The following DPP4 variants were observed in gnomAD, a reference collection of about 807,000 sequenced individuals.
The protein encoded by DPP4 is dipeptidyl peptidase 4.
DPP4 carries 93 observed loss-of-function variants against 122.4 expected under a neutral mutation model. That is an observed-to-expected ratio of 0.76 (90% CI 0.64 to 0.90). The LOEUF is 0.90. Among genes scored for constraint, DPP4 ranks in the 40% least tolerant of loss-of-function variants. DPP4 has a pLI of 0.00. For missense variants in DPP4, 914 were observed against 907.3 expected, an observed-to-expected ratio of 1.01 and a Z score of -0.09; for synonymous variants, 321 against 302.9, an observed-to-expected ratio of 1.06 and a Z score of -0.62.
At chr2:162,055,001 A>G (rs1217157781) in intron 2 of DPP4, among the ~76,000 whole-genome samples, 1 of 152,206 alleles carries the variant, frequency 6.6e-6, no homozygotes, top group African/African-American at 2.4e-5. Context: ...GGCAACCAGA[A>G]TACAAAAAAG....
intron 23 of DPP4, among the ~76,000 whole-genome samples, chr2:161,999,081 G>C (rs529428433): frequency 1.6e-4 from 24 of 152,214 alleles, no homozygotes; most frequent in Admixed American, 6.5e-4. Context: ...CCCACTTTAA[G>C]GCTCTCAGGC....
At chr2:162,038,484 T>G in intron 7 of DPP4, 62 bp from the exon 8 acceptor site, 1 of 1,504,594 alleles carries the variant, frequency 6.6e-7, no homozygotes, top group Non-Finnish European at 9.0e-7. Context: ...ATCCCGGAAT[T>G]GTAGAAACAC....
chr2:162,014,484 T>A lies in DPP4; in HGVS notation c.1568-19A>T. On this transcript the variant is annotated intron_variant, in intron 18 of 25. Transcript: ENST00000360534. ...CAAAATTCTAAACAAACAGAAAGAT[T>A]AATTAGTGAGGTAAGAAAAATTATT... 1 of 1,579,838 alleles carries A rather than the reference T, an allele frequency of 6.3e-7. No individual in the cohort carries two copies. Among genetic ancestry groups the A allele is most frequent in the Non-Finnish European group, 8.6e-7 (1 of 1,157,046 alleles).
intron 5 of DPP4, among the ~76,000 whole-genome samples, chr2:162,042,224 C>T (rs910758066): frequency 3.9e-5 from 6 of 152,122 alleles, no homozygotes; most frequent in African/African-American, 1.2e-4. Flanking sequence ...AGGATAATGC[C>T]GGCAACAATC....
At chr2:162,015,559 G>A (rs1559709552) in intron 18 of DPP4, among the ~76,000 whole-genome samples, 1 of 152,022 alleles carries the variant, frequency 6.6e-6, no homozygotes, top group African/African-American at 2.4e-5. Flanking sequence ...CACTTTTTTG[G>A]AGATGTATAG....
intron 10 of DPP4, among the ~76,000 whole-genome samples, chr2:162,030,302 A>C (rs574327836): frequency 2.0e-4 from 30 of 152,352 alleles, no homozygotes; most frequent in Middle Eastern, 3.4e-3. Flanking sequence ...TTCAGGCCTT[A>C]GTTGTTGGAA....
chr2:161,994,959 A>G lies in DPP4; in HGVS notation c.2199+2T>C. On this transcript the variant is annotated splice_donor_variant, in intron 25 of 25. Transcript: ENST00000360534. LOFTEE classifies it high-confidence loss of function. ...CTCCCCTTGCACAAAGTTTTTCTAT[A>G]CCATTGCCTGGAAATCCACTCCAAC... The G allele has an allele frequency of 1.2e-6, 2 of 1,613,948 alleles. No homozygotes were observed. Among genetic ancestry groups the G allele is most frequent in the Non-Finnish European group, 1.7e-6 (2 of 1,179,910 alleles).
At chr2:162,064,867 G>A (rs927437639) in intron 2 of DPP4, among the ~76,000 whole-genome samples, 2 of 152,246 alleles carry the variant, frequency 1.3e-5, no homozygotes, top group Admixed American at 6.5e-5. Context: ...TGAGGAGAAG[G>A]AAAGGAGAGA....
intron 23 of DPP4, among the ~76,000 whole-genome samples, chr2:161,998,078 A>T (rs1192750054): frequency 6.6e-6 from 1 of 152,334 alleles, no homozygotes; most frequent in African/African-American, 2.4e-5. Context: ...TGCACTAATC[A>T]GAAGAGAGAT....
intron 10 of DPP4, among the ~76,000 whole-genome samples, chr2:162,026,637 A>G (rs749174362): frequency 6.6e-6 from 1 of 152,148 alleles, no homozygotes; most frequent in Non-Finnish European, 1.5e-5. Context: ...CATTGCACTC[A>G]TCACAAACCG....
intron 2 of DPP4, among the ~76,000 whole-genome samples, chr2:162,060,485 T>C (rs1684725505): frequency 6.6e-6 from 1 of 152,192 alleles, no homozygotes; most frequent in Non-Finnish European, 1.5e-5. Flanking sequence ...CATTAAAAAG[T>C]AGTCACGTAA....
chr2:162,023,839 C>T (rs1454765279), intron 11 of DPP4, among the ~76,000 whole-genome samples: 2 of 152,188 alleles, frequency 1.3e-5, no homozygotes, highest in African/African-American at 4.8e-5. Context: ...TCCACAGTGA[C>T]TTGTATACCA....
At chr2:162,021,663 C>A (rs1345609662) in intron 12 of DPP4, 3 of 152,206 alleles carry the variant, frequency 2.0e-5, no homozygotes, top group African/African-American at 7.2e-5. Context: ...AACACATTCC[C>A]CTCTCTAGAC....
intron 12 of DPP4, among the ~76,000 whole-genome samples, chr2:162,020,900 A>T (rs1683102052): frequency 6.6e-6 from 1 of 152,252 alleles, no homozygotes; most frequent in African/African-American, 2.4e-5. Context: ...GTGAGCAGTA[A>T]ATGAGAGAAT....
chr2:161,993,899 C>CTATT (rs1385131874), intron 25 of DPP4, among the ~76,000 whole-genome samples: 2 of 152,022 alleles, frequency 1.3e-5, no homozygotes, highest in Non-Finnish European at 2.9e-5. Flanking sequence ...TGGAAAAACT[C>CTATT]TATTTCAATA....
rs201297575 is a variant in DPP4, at chr2:161,992,624, C to T, written c.*659G>A. The T allele has an allele frequency of 6.5e-6, 1 of 152,906 alleles. No homozygotes were observed. The highest frequency in any genetic ancestry group is 2.1e-4 in the South Asian group (1 of 4,820). 9.5% of individuals were successfully genotyped at this position (152,906 alleles called of 1,614,324 possible). A position where few individuals can be genotyped will look rare whatever the true frequency, so the allele number is the denominator to read the frequency against. On this transcript the variant is annotated 3_prime_UTR_variant, in exon 26 of 26. Coordinates refer to ENST00000360534, the MANE Select transcript of DPP4 (RefSeq NM_001935.4). The stretch of plus-strand genomic sequence containing the variant: ...ATAGCCATAACTGGCACCTGGGGGC[C>T]TGCGTTGCTGGCAGTTTCCCTTACA...
intron 2 of DPP4, among the ~76,000 whole-genome samples, chr2:162,066,356 A>C (rs1253945923): frequency 1.3e-5 from 2 of 151,980 alleles, no homozygotes; most frequent in Admixed American, 1.3e-4. Flanking sequence ...TACTATCCAC[A>C]CAAGAGTCAG....
At chr2:162,014,565 C>G in intron 18 of DPP4, 100 bp from the exon 19 acceptor site, 1 of 817,112 alleles carries the variant, frequency 1.2e-6, no homozygotes, top group Non-Finnish European at 1.9e-6. Flanking sequence ...TAGAGTTTAA[C>G]AATTTGTTAA....
intron 25 of DPP4, 80 bp from the exon 26 acceptor site, chr2:161,993,464 C>T: frequency 2.0e-6 from 2 of 979,050 alleles, no homozygotes; most frequent in South Asian, 2.7e-5. Context: ...TTCAAATGAG[C>T]TCTCACGAGC....
Sources: gnomAD v4.1 joint callset for allele counts (sites outside exome capture counted in the v4.1 genomes callset) on GRCh38, gnomAD v4.1.1 for gene constraint, MANE v1.5 for transcripts, NCBI Gene and HGNC (gene_info 2026-07-23, HGNC 2026-07-21) for gene names.